The following CTCFL variants were observed in gnomAD, a reference collection of about 807,000 sequenced individuals.
CTCFL encodes the protein CCCTC-binding factor like, also known as transcriptional repressor CTCFL.
Under a neutral mutation model 67.4 loss-of-function variants are expected in CTCFL, and 36 were observed. The observed-to-expected ratio is 0.53, with a 90% CI of 0.41 to 0.71. The LOEUF (loss-of-function observed/expected upper bound fraction) is 0.71. CTCFL is among the 30% of genes least tolerant of loss of function. CTCFL has a pLI of 0.00. For missense variants in CTCFL, 786 were observed against 835.2 expected (o/e 0.94, Z 0.73); for synonymous variants, 324 against 302.3 (o/e 1.07, Z -0.75).
chr20:57,518,788 T>C lies in CTCFL; in HGVS notation c.1029A>G (p.Lys343=). The part of the protein sequence containing the change: ...RYKHTHEKPF[K]CSMCKYASVE... ...CACTGGCATACTTGCACATGGAACA[T>C]TTAAAGGGTTTCTCATGAGTATGTT... is the stretch of plus-strand genomic sequence containing the variant. The change falls in exon 5 of 11, where the codon AAA becomes AAG. Residue 343 remains lysine (K), a synonymous_variant. Coordinates refer to ENST00000243914, the MANE Select transcript of CTCFL (RefSeq NM_001386993.1). 6.2e-7 allele frequency: 1 copy of C among 1,614,144 alleles called. No individual in the cohort carries two copies. The highest frequency in any genetic ancestry group is 8.5e-7 in the Non-Finnish European group (1 of 1,180,036).
At chr20:57,520,454 C>CA (rs1399405775) in intron 3 of CTCFL, among the ~76,000 whole-genome samples, 1 of 151,910 alleles carries the variant, frequency 6.6e-6, no homozygotes, top group Non-Finnish European at 1.5e-5. Context: ...AAACAACTGG[C>CA]AAAAAAATGT....
At position 57,512,604 on chromosome 20, in the gene CTCFL, A is replaced by T. The variant is rs150326376; in HGVS notation, c.1479T>A (p.Tyr493Ter). The change falls in exon 8 of 11, where the codon TAT becomes TAA. Residue 493 changes from tyrosine to a stop codon, truncating the protein, a stop_gained. Coordinates refer to ENST00000243914, the MANE Select transcript of CTCFL (RefSeq NM_001386993.1). LOFTEE classifies it high-confidence loss of function. Reference protein sequence around the residue: ...EKRFKCKHCSYACKQERHMTA... With the variant: ...EKRFKCKHCS ...TAAAGTACAATACCTGCTTGCAGGC[A>T]TAACTGCAGTGTTTGCACTTGAACC... 1.2e-6 allele frequency: 2 copies of T among 1,614,208 alleles called. No homozygotes were observed. The highest frequency in any genetic ancestry group is 2.2e-5 in the South Asian group (2 of 91,084).
chr20:57,504,935 G>A (rs2068116494), intron 9 of CTCFL, among the ~76,000 whole-genome samples: 1 of 151,926 alleles, frequency 6.6e-6, no homozygotes, highest in African/African-American at 2.4e-5. Context: ...TTTGTCTGTA[G>A]CTTCTGCTTC....
intron 7 of CTCFL, chr20:57,513,245 T>C: frequency 2.0e-6 from 2 of 985,370 alleles, no homozygotes; most frequent in Non-Finnish European, 2.4e-6. Flanking sequence ...CCTTAAATAA[T>C]CCACTCGTTG....
intron 9 of CTCFL, among the ~76,000 whole-genome samples, chr20:57,504,446 A>AT (rs2068090180): frequency 6.6e-6 from 1 of 151,336 alleles, no homozygotes; most frequent in East Asian, 1.9e-4. Context: ...CACCCAGCTA[A>AT]TTTTTGTTAT....
chr20:57,514,057 C>A (rs530688476), intron 7 of CTCFL, among the ~76,000 whole-genome samples: 1 of 152,302 alleles, frequency 6.6e-6, no homozygotes, highest in South Asian at 2.1e-4. Flanking sequence ...GTGGTAGATG[C>A]GGATTACACG....
intron 8 of CTCFL, among the ~76,000 whole-genome samples, chr20:57,509,461 C>A (rs2068418126): frequency 6.6e-6 from 1 of 151,988 alleles, no homozygotes; most frequent in Non-Finnish European, 1.5e-5. Flanking sequence ...CAGGGTCTCA[C>A]TATGTTGCCC....
At chr20:57,518,362 T>C (rs2069084952) in intron 5 of CTCFL, 2 of 421,030 alleles carry the variant, frequency 4.8e-6, no homozygotes, top group Non-Finnish European at 4.0e-6. Context: ...GCAAGCTGCT[T>C]TGTATCTAAT....
intron 4 of CTCFL, 121 bp downstream of exon 4, chr20:57,519,082 AAAAG>A: frequency 8.1e-7 from 1 of 1,241,936 alleles, no homozygotes; most frequent in Non-Finnish European, 1.1e-6. Flanking sequence ...AAATTCAAGA[AAAAG>A]AAGACAAAAC....
At chr20:57,513,167 TG>T (rs1568867150) in intron 7 of CTCFL, 2 of 816,626 alleles carry the variant, frequency 2.4e-6, no homozygotes, top group African/African-American at 3.7e-5. Context: ...AGAACTATTA[TG>T]GGGTAGGTGA....
chr20:57,503,585 T>A lies in CTCFL; in HGVS notation c.1691A>T (p.His564Leu). The A allele has an allele frequency of 6.2e-7, 1 of 1,614,144 alleles. No individual in the cohort carries two copies. Among genetic ancestry groups the A allele is most frequent in the Non-Finnish European group, 8.5e-7 (1 of 1,180,026 alleles). ...TTCCCCTGATCCACACTTCTCCGAA[T>A]GTCTGTGCAGGTTAATCTGTCGGAG... is the stretch of plus-strand genomic sequence containing the variant. Reference protein sequence around the residue: ...GFSRWINLHRHSEKCGSGEAK... With the variant: ...GFSRWINLHRLSEKCGSGEAK... The change falls in exon 10 of 11, where the codon CAT becomes CTT. Residue 564 changes from histidine to leucine, a missense_variant. By Grantham distance (99) the His-to-Leu change is moderately conservative (BLOSUM62 -3). Around this residue, in one of 3 missense-constraint regions of CTCFL, gnomAD observed 199 missense variants for 196.7 expected, o/e 1.01. Transcript: ENST00000243914.
chr20:57,496,674 C>T (rs570294397), downstream of CTCFL, among the ~76,000 whole-genome samples: 1 of 152,288 alleles, frequency 6.6e-6, no homozygotes, highest in Admixed American at 6.5e-5. Flanking sequence ...GTTCTAGATA[C>T]CTCCTATAAG....
chr20:57,512,618 T>C lies in CTCFL; in HGVS notation c.1465A>G (p.Lys489Glu), dbSNP rs371597417. ...TGCTTGCAGGCATAACTGCAGTGTT[T>C]GCACTTGAACCTCTTCTCATTCTTA... ...THKNEKRFKC[K>E]HCSYACKQER... is the part of the protein sequence containing the mutation. The change falls in exon 8 of 11, where the codon AAA (lysine) becomes GAA (glutamate). Residue 489 changes from lysine (K) to glutamate (E), a missense_variant. Lys to Glu is a moderately conservative substitution (Grantham distance 56, BLOSUM62 1). This residue lies in a region of CTCFL where 254 missense variants were observed against 333.9 expected (regional missense o/e 0.76). Transcript: ENST00000243914. 284 of 1,614,256 alleles carry C rather than the reference T, an allele frequency of 1.8e-4. 4 individuals carry two copies. The South Asian group carries it at 3.0e-3, about 17-fold the overall frequency.
chr20:57,502,515 AATG>A (rs2067972191), intron 10 of CTCFL, among the ~76,000 whole-genome samples: 2 of 151,916 alleles, frequency 1.3e-5, no homozygotes, highest in Non-Finnish European at 2.9e-5. Flanking sequence ...GAACATTCGC[AATG>A]CAGGGACTGA....
chr20:57,497,870 C>T lies in CTCFL; in HGVS notation c.*680G>A. On this transcript the variant is annotated 3_prime_UTR_variant, in exon 11 of 11. Coordinates refer to ENST00000243914, the MANE Select transcript of CTCFL (RefSeq NM_001386993.1). ...AGAATACAAAAATCTAAAGGTGAAC[C>T]TTGCTCCTATACCAAAGTAAAATCG... 1 of 981,130 alleles carries T rather than the reference C, an allele frequency of 1.0e-6. No individual in the cohort carries two copies. The highest frequency in any genetic ancestry group is 1.2e-6 in the Non-Finnish European group (1 of 826,098). 60.8% of individuals were successfully genotyped at this position (981,130 alleles called of 1,614,324 possible). A position where few individuals can be genotyped will look rare whatever the true frequency, so the allele number is the denominator to read the frequency against.
At position 57,497,404 on chromosome 20, in the gene CTCFL, A is replaced by G. The variant is rs529592333; in HGVS notation, c.*1146T>C. Reference sequence around the variant, plus strand: ...ATTGTATAGGGATTCTGAACTTGTGATATTTTCAATAAAAGGTCCATATCT... The same window carrying G: ...ATTGTATAGGGATTCTGAACTTGTGGTATTTTCAATAAAAGGTCCATATCT... On this transcript the variant is annotated 3_prime_UTR_variant, in exon 11 of 11. Transcript: ENST00000243914. 94 of 985,162 alleles carry G rather than the reference A, an allele frequency of 9.5e-5. No homozygotes were observed. The African/African-American group carries it at 1.6e-3, about 17-fold the overall frequency. The allele number at this position is 985,162 out of a possible 1,614,324, so 61.0% of individuals were successfully genotyped here.
intron 10 of CTCFL, among the ~76,000 whole-genome samples, chr20:57,502,045 G>A (rs2146286857): frequency 6.6e-6 from 1 of 152,350 alleles, no homozygotes; most frequent in South Asian, 2.1e-4. Context: ...CTCCGCGCAT[G>A]GGCAGTGTGC....
intron 9 of CTCFL, among the ~76,000 whole-genome samples, chr20:57,505,212 T>G (rs945483221): frequency 2.7e-5 from 4 of 149,474 alleles, no homozygotes; most frequent in African/African-American, 1.0e-4. Flanking sequence ...CTTTAAGTAT[T>G]TTTTTTTAAT....
intron 9 of CTCFL, among the ~76,000 whole-genome samples, chr20:57,508,109 A>AT (rs567779512): frequency 1.3e-5 from 2 of 151,872 alleles, no homozygotes; most frequent in Non-Finnish European, 2.9e-5. Context: ...CAACCAGCTA[A>AT]TTTTTTTGGA....
Sources: allele counts gnomAD v4.1 joint callset (sites outside exome capture counted in the v4.1 genomes callset), GRCh38; gene constraint gnomAD v4.1.1; regional missense constraint gnomAD v4.1.1; transcripts MANE v1.5; gene names NCBI Gene and HGNC (gene_info 2026-07-23, HGNC 2026-07-21).